Variants in ABHD11 observed in about 807,000 individuals in gnomAD.
The protein encoded by ABHD11 is abhydrolase domain containing 11, also known as sn-1-specific diacylglycerol lipase ABHD11.
ABHD11 carries 26 observed loss-of-function variants against 29.0 expected under a neutral mutation model. That is an observed-to-expected ratio of 0.90 (90% CI 0.66 to 1.24). The LOEUF (loss-of-function observed/expected upper bound fraction) is 1.24. Among genes scored for constraint, ABHD11 ranks in the 50% most tolerant of loss-of-function variants. The pLI is 0.00. For missense variants in ABHD11, 381 were observed against 422.4 expected, an observed-to-expected ratio of 0.90 and a Z score of 0.86; for synonymous variants, 169 against 166.4, an observed-to-expected ratio of 1.02 and a Z score of -0.12.
At chr7:73,738,235 C>A (rs918948997) in intron 2 of ABHD11, 93 bp downstream of exon 2, 6 of 1,471,094 alleles carry the variant, frequency 4.1e-6, no homozygotes, top group Non-Finnish European at 5.5e-6. Context: ...TGGAAGTGAG[C>A]GTGAGAAGCG....
Position 73,738,643 on chromosome 7 carries a change from G to T in ABHD11, c.125+3C>A. 1 of 1,592,674 alleles carries T rather than the reference G, an allele frequency of 6.3e-7. No individual in the cohort carries two copies. The highest frequency in any genetic ancestry group is 8.5e-7 in the Non-Finnish European group (1 of 1,172,040). On this transcript the variant is annotated splice_donor_region_variant and intron_variant, in intron 1 of 5. Coordinates refer to ENST00000222800, the MANE Select transcript of ABHD11 (RefSeq NM_148912.4). Reference sequence around the variant, plus strand: ...GGCCTCCCGCCCGGTGCCCTTGACTGACCTCGGCTCGGCGCCCCCTCGGCC... The same window carrying T: ...GGCCTCCCGCCCGGTGCCCTTGACTTACCTCGGCTCGGCGCCCCCTCGGCC...
intron 2 of ABHD11, 118 bp from the exon 3 acceptor site, chr7:73,737,853 G>A: frequency 7.0e-7 from 1 of 1,430,180 alleles, no homozygotes; most frequent in Non-Finnish European, 9.4e-7. Flanking sequence ...ACCCTGTGGA[G>A]GGGAAGGGCC....
chr7:73,736,575 C>G lies in ABHD11; in HGVS notation c.905G>C (p.Arg302Pro). Reference protein sequence around the residue: ...DRPQDFIAAIRGFLV With the variant: ...DRPQDFIAAIPGFLV The stretch of plus-strand genomic sequence containing the variant: ...CAGCAACTCTTAGACCAGGAAGCCT[C>G]GGATGGCAGCTATGAAGTCCTGTGG... The change falls in exon 6 of 6, where the codon CGA becomes CCA. Residue 302 changes from arginine to proline, a missense_variant. Coordinates refer to ENST00000222800, the MANE Select transcript of ABHD11 (RefSeq NM_148912.4). 6.2e-7 allele frequency: 1 copy of G among 1,613,948 alleles called. No individual in the cohort carries two copies. The highest frequency in any genetic ancestry group is 8.5e-7 in the Non-Finnish European group (1 of 1,180,020).
intron 2 of ABHD11, chr7:73,737,967 TG>T: frequency 2.5e-6 from 2 of 797,368 alleles, no homozygotes; most frequent in Non-Finnish European, 4.4e-6. Context: ...CTGGCCTGGC[TG>T]GGTGGCAATC....
chr7:73,738,327 C>T lies in ABHD11; in HGVS notation c.261+1G>A, dbSNP rs782383308. The T allele has an allele frequency of 6.3e-7, 1 of 1,584,332 alleles. No homozygotes were observed. The highest frequency in any genetic ancestry group is 8.6e-7 in the Non-Finnish European group (1 of 1,161,926). On this transcript the variant is annotated splice_donor_variant, in intron 2 of 5. Coordinates refer to ENST00000222800, the MANE Select transcript of ABHD11 (RefSeq NM_148912.4). LOFTEE classifies it high-confidence loss of function. ...GGAGCCCCGCCCACTCGAAAGCTCA[C>T]CCTACGGCCTGTCTGCTGGGCCAAG...
chr7:73,738,665 G>A lies in ABHD11; in HGVS notation c.106C>T (p.Arg36Ter). 1 of 1,594,726 alleles carries A rather than the reference G, an allele frequency of 6.3e-7. No individual in the cohort carries two copies. Among genetic ancestry groups the A allele is most frequent in the Non-Finnish European group, 8.5e-7 (1 of 1,173,198 alleles). ...PVAPSSSSGG[R>*]GGAEPRPLPL... The stretch of plus-strand genomic sequence containing the variant: ...ACTGACCTCGGCTCGGCGCCCCCTC[G>A]GCCGCCGCTGCTGCTGCTGGGTGCG... The change falls in exon 1 of 6, where the codon CGA (arginine) becomes TGA (stop). Residue 36 changes from arginine (R) to a stop codon, truncating the protein, a stop_gained. Coordinates refer to ENST00000222800, the MANE Select transcript of ABHD11 (RefSeq NM_148912.4). LOFTEE classifies it high-confidence loss of function.
chr7:73,738,566 A>G, intron 1 of ABHD11, 80 bp downstream of exon 1: 1 of 1,564,938 alleles, frequency 6.4e-7, no homozygotes, highest in East Asian at 2.4e-5. Flanking sequence ...GACAGGCCCA[A>G]AGGGAGGAGA....
In ABHD11 at chr7:73,736,600, G is replaced by A. The variant is rs1554621775; in HGVS notation, c.880C>T (p.Pro294Ser). Residue 294 changes from proline (P) to serine (S), a missense_variant, in exon 6 of 6, where the codon CCA (proline) becomes TCA (serine). Pro to Ser is a moderately conservative substitution (Grantham distance 74). Coordinates refer to ENST00000222800, the MANE Select transcript of ABHD11 (RefSeq NM_148912.4). The stretch of plus-strand genomic sequence containing the variant: ...CGGATGGCAGCTATGAAGTCCTGTG[G>A]GCGGTCAGCGTGGATCCAGTGGCCA... ...NAGHWIHADR[P>S]QDFIAAIRGF... The A allele has an allele frequency of 6.2e-7, 1 of 1,613,912 alleles. No homozygotes were observed. The highest frequency in any genetic ancestry group is 1.3e-5 in the African/African-American group (1 of 74,904).
chr7:73,737,816 T>A, intron 2 of ABHD11, 81 bp from the exon 3 acceptor site: 3 of 1,530,602 alleles, frequency 2.0e-6, no homozygotes, highest in Middle Eastern at 3.5e-4. Context: ...GGACAGCAGG[T>A]CAAAGGTGTG....
At chr7:73,738,142 T>G in intron 2 of ABHD11, 186 bp downstream of exon 2, 3 of 1,082,608 alleles carry the variant, frequency 2.8e-6, no homozygotes, top group South Asian at 2.7e-5. Context: ...CCGATGGAGA[T>G]CTACAACATG....
rs886221020 is a variant in ABHD11, at chr7:73,738,547, C to T, written c.126-84G>A. ...GGGGAAAGAGCTTTGGGGGAGAGGCCTGGGAGGTGACAGGCCCAAAGGGAG... is the reference window on the plus strand; with the variant it reads ...GGGGAAAGAGCTTTGGGGGAGAGGCTTGGGAGGTGACAGGCCCAAAGGGAG... On this transcript the variant is annotated intron_variant, in intron 1 of 5. Coordinates refer to ENST00000222800, the MANE Select transcript of ABHD11 (RefSeq NM_148912.4). 2.9e-5 allele frequency: 46 copies of T among 1,565,202 alleles called. No homozygotes were observed. In the Admixed American group the frequency reaches 8.6e-4, roughly 29 times the overall value.
intron 2 of ABHD11, 23 bp downstream of exon 2, chr7:73,738,305 G>A (rs1800156324): frequency 1.9e-6 from 3 of 1,556,186 alleles, no homozygotes; most frequent in African/African-American, 1.4e-5. Context: ...CCCCAAAGGA[G>A]CCCCGCCCAC....
At position 73,738,305 on chromosome 7, in the gene ABHD11, GC is replaced by G. The variant is rs782504044; in HGVS notation, c.261+22del. 5 of 1,556,312 alleles carry G rather than the reference GC, an allele frequency of 3.2e-6. 1 individual carries two copies. The South Asian group carries it at 4.5e-5, about 14-fold the overall frequency. On this transcript the variant is annotated intron_variant, in intron 2 of 5. Transcript: ENST00000222800. ...CCCACTCCCGCCCAGCCCCAAAGGA[GC>G]CCCGCCCACTCGAAAGCTCACCCTA...
chr7:73,737,255 T>TG lies in ABHD11; in HGVS notation c.571_572insC (p.Lys191ThrfsTer5), dbSNP rs781984029. On this transcript the variant is annotated frameshift_variant, in exon 4 of 6. Coordinates refer to ENST00000222800, the MANE Select transcript of ABHD11 (RefSeq NM_148912.4). LOFTEE classifies it high-confidence loss of function. ...AGAACTGAGCTGTTCATCCGCCAGT[T>TG]TTCGGGCACGGGAGCGGGGCAGCTC... 1.2e-6 allele frequency: 2 copies of TG among 1,614,128 alleles called. No homozygotes were observed. The highest frequency in any genetic ancestry group is 1.7e-6 in the Non-Finnish European group (2 of 1,180,028).
In ABHD11 at chr7:73,736,471, C is replaced by T; in HGVS notation, c.*88G>A. The stretch of plus-strand genomic sequence containing the variant: ...GCCAGGCTGGTCTCCAACTCCTGGC[C>T]TCAAGTCATCCTCCCGCCTTAGCCT... On this transcript the variant is annotated 3_prime_UTR_variant, in exon 6 of 6. Transcript: ENST00000222800. The T allele has an allele frequency of 6.4e-7, 1 of 1,553,734 alleles. No individual in the cohort carries two copies. Among genetic ancestry groups the T allele is most frequent in the Non-Finnish European group, 8.7e-7 (1 of 1,144,854 alleles).
chr7:73,736,694 G>A lies in ABHD11; in HGVS notation c.789-3C>T. The A allele has an allele frequency of 1.2e-6, 2 of 1,613,600 alleles. No individual in the cohort carries two copies. The highest frequency in any genetic ancestry group is 2.2e-5 in the South Asian group (2 of 91,044). On this transcript the variant is annotated splice_polypyrimidine_tract_variant and splice_region_variant and intron_variant, in intron 5 of 5. Transcript: ENST00000222800. The stretch of plus-strand genomic sequence containing the variant: ...TAATCTCAGGGTGGTGGCTGGGACT[G>A]TGCATCGCAGCGACGGCCATCAAAA...
In ABHD11 at chr7:73,737,700, G is replaced by T; in HGVS notation, c.297C>A (p.Ser99Arg). 1 of 1,613,696 alleles carries T rather than the reference G, an allele frequency of 6.2e-7. No homozygotes were observed. Among genetic ancestry groups the T allele is most frequent in the Non-Finnish European group, 8.5e-7 (1 of 1,179,806 alleles). Reference sequence around the variant, plus strand: ...CGTAGCTCATGTCTGGGCTGTGGGGGCTGTCACCGTGGTTACGAGCATCCA... The same window carrying T: ...CGTAGCTCATGTCTGGGCTGTGGGGTCTGTCACCGTGGTTACGAGCATCCA... The part of the protein sequence containing the change: ...LTVDARNHGD[S>R]PHSPDMSYEI... The change falls in exon 3 of 6, where the codon AGC becomes AGA. Residue 99 changes from serine to arginine, a missense_variant. Transcript: ENST00000222800.
At position 73,737,559 on chromosome 7, in the gene ABHD11, CACCCT is replaced by C; in HGVS notation, c.433_435+2del. On this transcript the variant is annotated splice_donor_variant and coding_sequence_variant, in exon 3 of 6. Coordinates refer to ENST00000222800, the MANE Select transcript of ABHD11 (RefSeq NM_148912.4). LOFTEE classifies it high-confidence loss of function. ...GAGGAGGCCCCAGACATGGGCGGCTCACCCTCTGTAGTGCCAGCAGCATGGCTGTC... is the reference window on the plus strand; with the variant it reads ...GAGGAGGCCCCAGACATGGGCGGCTCCTGTAGTGCCAGCAGCATGGCTGTC... 1 of 1,598,232 alleles carries C rather than the reference CACCCT, an allele frequency of 6.3e-7. No homozygotes were observed. Among genetic ancestry groups the C allele is most frequent in the Non-Finnish European group, 8.5e-7 (1 of 1,172,532 alleles).
In ABHD11 at chr7:73,738,480, CGAGGTCA is replaced by C. The variant is rs1211647272; in HGVS notation, c.126-24_126-18del. 2.1e-5 allele frequency: 34 copies of C among 1,605,088 alleles called. No individual in the cohort carries two copies. Among genetic ancestry groups the C allele is most frequent in the Non-Finnish European group, 2.6e-5 (30 of 1,175,734 alleles). On this transcript the variant is annotated intron_variant, in intron 1 of 5. Coordinates refer to ENST00000222800, the MANE Select transcript of ABHD11 (RefSeq NM_148912.4). ...GGAAGCGGCCTGGCAGGGGAAGGAT[CGAGGTCA>C]GAGTCTGAGCCGGCGGAGACGGGGA...
Sources: allele counts gnomAD v4.1 joint callset, GRCh38; gene constraint gnomAD v4.1.1; transcripts MANE v1.5; gene names NCBI Gene and HGNC (gene_info 2026-07-23, HGNC 2026-07-21).